Variants in AKIRIN2 observed in about 807,000 individuals in gnomAD.
AKIRIN2 encodes the protein akirin 2.
Under a neutral mutation model 29.3 loss-of-function variants are expected in AKIRIN2, and 6 were observed. The observed-to-expected ratio is 0.20, with a 90% confidence interval of 0.11 to 0.40. AKIRIN2 has a LOEUF of 0.40. Among genes scored for constraint, AKIRIN2 ranks in the 10% least tolerant of loss-of-function variants. The pLI, the probability that AKIRIN2 is intolerant of heterozygous loss-of-function variation, is 1.00. For synonymous variants in AKIRIN2, 128 were observed against 117.5 expected, an observed-to-expected ratio of 1.09 and a Z score of -0.58; for missense variants, 210 against 276.1, an observed-to-expected ratio of 0.76 and a Z score of 1.70.
chr6:87,692,904 C>T (rs570258160), intron 1 of AKIRIN2, among the ~76,000 whole-genome samples: 1 of 152,012 alleles, frequency 6.6e-6, no homozygotes, highest in African/African-American at 2.4e-5. Context: ...TACTTTCATA[C>T]ACTGAAACTT....
At chr6:87,697,732 T>C (rs1375718150) in intron 1 of AKIRIN2, among the ~76,000 whole-genome samples, 2 of 152,210 alleles carry the variant, frequency 1.3e-5, no homozygotes, top group Non-Finnish European at 2.9e-5. Context: ...CCCTTCCCCA[T>C]TCACAAGCTG....
At position 87,677,840 on chromosome 6, in the gene AKIRIN2, T is replaced by C; in HGVS notation, c.507A>G (p.Glu169=). ...REEKVREEYE[E]ILNTKLAEQY... is the part of the protein sequence containing the mutation. ...TACCTGCAAGTTTTGTGTTCAATAT[T>C]TCTTCATATTCTTCTCGAACTTTCT... is the stretch of plus-strand genomic sequence containing the variant. Residue 169 remains glutamate (E), a synonymous_variant, in exon 3 of 5, where the codon GAA becomes GAG. Coordinates refer to ENST00000257787, the MANE Select transcript of AKIRIN2 (RefSeq NM_018064.4). 6.2e-7 allele frequency: 1 copy of C among 1,614,024 alleles called. No individual in the cohort carries two copies. The highest frequency in any genetic ancestry group is 8.5e-7 in the Non-Finnish European group (1 of 1,179,960).
intron 1 of AKIRIN2, among the ~76,000 whole-genome samples, chr6:87,692,095 T>C (rs1282440821): frequency 6.6e-6 from 1 of 152,214 alleles, no homozygotes; most frequent in African/African-American, 2.4e-5. Context: ...AATAATTGTT[T>C]AATCCTCGAT....
chr6:87,701,624 A>G lies in AKIRIN2; in HGVS notation c.61T>C (p.Ser21Pro). ...GGCGCACATCGCCTGCGCTTCGGGG[A>G]CGCCGGGCTCAACAGCGGGTCGAAA... ...LDFDPLLSPA[S>P]PKRRRCAPLS... The change falls in exon 1 of 5, where the codon TCC (serine) becomes CCC (proline). Residue 21 changes from serine to proline, a missense_variant. Ser to Pro is a moderately conservative substitution (Grantham distance 74). Coordinates refer to ENST00000257787, the MANE Select transcript of AKIRIN2 (RefSeq NM_018064.4). 6.9e-7 allele frequency: 1 copy of G among 1,458,518 alleles called. No homozygotes were observed. The highest frequency in any genetic ancestry group is 9.0e-7 in the Non-Finnish European group (1 of 1,108,560). 90.3% of individuals were successfully genotyped at this position (1,458,518 alleles called of 1,614,324 possible).
intron 1 of AKIRIN2, among the ~76,000 whole-genome samples, chr6:87,690,555 A>G (rs997112271): frequency 6.6e-6 from 1 of 152,216 alleles, no homozygotes; most frequent in Non-Finnish European, 1.5e-5. Context: ...ACCTATATAC[A>G]ATGATTATTT....
intron 1 of AKIRIN2, among the ~76,000 whole-genome samples, chr6:87,689,403 C>A (rs1414048747): frequency 6.6e-6 from 1 of 152,052 alleles, no homozygotes; most frequent in Non-Finnish European, 1.5e-5. Flanking sequence ...GCTTAAACCT[C>A]GGAGGCAGAG....
At chr6:87,696,292 G>A (rs76724614) in intron 1 of AKIRIN2, among the ~76,000 whole-genome samples, 2,586 of 152,228 alleles carry the variant, frequency 0.017, 71 homozygotes, top group African/African-American at 0.055. Flanking sequence ...TTATGTCTCC[G>A]TGGCAACCAT....
chr6:87,681,036 T>G (rs115989886), intron 2 of AKIRIN2, among the ~76,000 whole-genome samples: 426 of 151,638 alleles, frequency 2.8e-3, no homozygotes, highest in African/African-American at 9.8e-3. Context: ...GCATACAGTA[T>G]TGTTATTATT....
chr6:87,680,690 A>G (rs1312832806), intron 2 of AKIRIN2, among the ~76,000 whole-genome samples: 1 of 152,060 alleles, frequency 6.6e-6, no homozygotes, highest in Non-Finnish European at 1.5e-5. Context: ...ACTAAAGATA[A>G]GAGCCACTAT....
At chr6:87,679,775 A>G (rs979975020) in intron 2 of AKIRIN2, among the ~76,000 whole-genome samples, 2 of 152,210 alleles carry the variant, frequency 1.3e-5, no homozygotes, top group Non-Finnish European at 2.9e-5. Context: ...CTATTAGGAT[A>G]TTTTTAATAA....
chr6:87,693,137 G>A (rs760703837), intron 1 of AKIRIN2, among the ~76,000 whole-genome samples: 5 of 152,016 alleles, frequency 3.3e-5, no homozygotes, highest in Admixed American at 6.5e-5. Flanking sequence ...GCTGAGGCAG[G>A]AGAATCACTT....
chr6:87,675,492 C>A lies in AKIRIN2; in HGVS notation c.*105G>T. On this transcript the variant is annotated 3_prime_UTR_variant, in exon 5 of 5. Transcript: ENST00000257787. Reference sequence around the variant, plus strand: ...TGCCACTGACGAAAGCTTGAAATAACCTGTATTCACAGAAGGGGTATTGGC... The same window carrying A: ...TGCCACTGACGAAAGCTTGAAATAAACTGTATTCACAGAAGGGGTATTGGC... The A allele has an allele frequency of 6.7e-7, 1 of 1,496,860 alleles. No individual in the cohort carries two copies. Among genetic ancestry groups the A allele is most frequent in the South Asian group, 1.2e-5 (1 of 86,832 alleles). 92.7% of individuals were successfully genotyped at this position (1,496,860 alleles called of 1,614,324 possible). A position where few individuals can be genotyped will look rare whatever the true frequency, so the allele number is the denominator to read the frequency against.
chr6:87,692,805 T>C (rs1771296650), intron 1 of AKIRIN2, among the ~76,000 whole-genome samples: 1 of 151,700 alleles, frequency 6.6e-6, no homozygotes, highest in South Asian at 2.1e-4. Flanking sequence ...GTAAGACTCT[T>C]GTCTCAAAAA....
chr6:87,680,562 C>T (rs938952388), intron 2 of AKIRIN2, among the ~76,000 whole-genome samples: 1 of 151,470 alleles, frequency 6.6e-6, no homozygotes, highest in Non-Finnish European at 1.5e-5. Context: ...TGAGCCACCG[C>T]GCCCAGCCGC....
At chr6:87,681,958 A>C (rs963095549) in intron 1 of AKIRIN2, among the ~76,000 whole-genome samples, 195 bp from the exon 2 acceptor site, 1 of 152,236 alleles carries the variant, frequency 6.6e-6, no homozygotes, top group Non-Finnish European at 1.5e-5. Context: ...ACCAACTGGA[A>C]TTCAGCTGTT....
chr6:87,701,010 A>T, intron 1 of AKIRIN2, among the ~76,000 whole-genome samples: 1 of 142,568 alleles, frequency 7.0e-6, no homozygotes. Flanking sequence ...GCCTCAAACC[A>T]CCCAGTCCCA....
chr6:87,696,219 C>A (rs1212730777), intron 1 of AKIRIN2, among the ~76,000 whole-genome samples: 1 of 152,004 alleles, frequency 6.6e-6, no homozygotes, highest in Non-Finnish European at 1.5e-5. Context: ...GTACTACATT[C>A]TTTTTCCAAT....
intron 1 of AKIRIN2, among the ~76,000 whole-genome samples, chr6:87,692,690 T>C (rs1314005745): frequency 2.6e-5 from 4 of 152,156 alleles, no homozygotes; most frequent in Non-Finnish European, 4.4e-5. Flanking sequence ...CGCACGCCTG[T>C]AATCCCCGCT....
chr6:87,688,257 G>C (rs2128301935), intron 1 of AKIRIN2, among the ~76,000 whole-genome samples: 1 of 152,114 alleles, frequency 6.6e-6, no homozygotes, highest in East Asian at 1.9e-4. Flanking sequence ...TCAGCCTCCA[G>C]AGTAGCTGGG....
Sources: allele counts gnomAD v4.1 joint callset (sites outside exome capture counted in the v4.1 genomes callset), GRCh38; gene constraint gnomAD v4.1.1; transcripts MANE v1.5; gene names NCBI Gene and HGNC (gene_info 2026-07-23, HGNC 2026-07-21).